The following PLA2R1 variants were observed in gnomAD, a reference collection of about 807,000 sequenced individuals.
PLA2R1 encodes the protein secretory phospholipase A2 receptor.
In PLA2R1, 158 loss-of-function variants were observed where a neutral mutation model predicts 195.9. The ratio of observed to expected loss-of-function variants is 0.81; its 90% CI spans 0.71 to 0.92. The LOEUF is 0.92. Among genes scored for constraint, PLA2R1 ranks in the 40% least tolerant of loss-of-function variants. The pLI, the probability that PLA2R1 is intolerant of heterozygous loss-of-function variation, is 0.00. For synonymous variants in PLA2R1, 586 were observed against 598.2 expected, an observed-to-expected ratio of 0.98 and a Z score of 0.30; for missense variants, 1,626 against 1,764.6, an observed-to-expected ratio of 0.92 and a Z score of 1.41.
intron 28 of PLA2R1, among the ~76,000 whole-genome samples, chr2:159,944,278 T>C (rs1560129370): frequency 6.6e-6 from 1 of 152,194 alleles, no homozygotes; most frequent in Non-Finnish European, 1.5e-5. Flanking sequence ...TCTGAAGCCT[T>C]CTCTAGCAGT....
At chr2:159,971,452 G>T (rs750545545) in intron 17 of PLA2R1, among the ~76,000 whole-genome samples, 33 of 152,206 alleles carry the variant, frequency 2.2e-4, no homozygotes, top group Middle Eastern at 6.8e-3. Context: ...CTATGTGCAT[G>T]CATGTGCACA....
chr2:160,012,760 AAATT>A (rs907063782), intron 10 of PLA2R1, among the ~76,000 whole-genome samples: 2 of 152,038 alleles, frequency 1.3e-5, no homozygotes, highest in African/African-American at 4.8e-5. Flanking sequence ...AAAAATACAA[AAATT>A]ACCAGGGCGT....
chr2:159,972,772 C>G (rs114859808), intron 17 of PLA2R1, among the ~76,000 whole-genome samples: 1 of 152,054 alleles, frequency 6.6e-6, no homozygotes, highest in Non-Finnish European at 1.5e-5. Context: ...GTGCTTGCAG[C>G]GTTTTTTCAG....
intron 1 of PLA2R1, among the ~76,000 whole-genome samples, chr2:160,050,164 CAAAT>C (rs1695128734): frequency 2.6e-5 from 4 of 152,102 alleles, no homozygotes; most frequent in Admixed American, 1.3e-4. Flanking sequence ...CAAGTGATAA[CAAAT>C]AAGAGAAAGA....
chr2:159,927,657 C>A (rs1221604848), downstream of PLA2R1, among the ~76,000 whole-genome samples: 1 of 152,132 alleles, frequency 6.6e-6, no homozygotes, highest in African/African-American at 2.4e-5. Context: ...ATAAATGCAA[C>A]TATATCTCAC....
At chr2:160,055,358 C>T (rs1323441502) in intron 1 of PLA2R1, among the ~76,000 whole-genome samples, 2 of 152,194 alleles carry the variant, frequency 1.3e-5, no homozygotes, top group Non-Finnish European at 2.9e-5. Context: ...TCCGATCACG[C>T]TTTTACTGAA....
At chr2:160,007,547 G>T (rs916494388) in intron 10 of PLA2R1, among the ~76,000 whole-genome samples, 4 of 152,222 alleles carry the variant, frequency 2.6e-5, no homozygotes, top group Admixed American at 2.0e-4. Context: ...GGCAGATGCC[G>T]GCAGGCCGTC....
chr2:160,054,175 C>T (rs1369678420), intron 1 of PLA2R1, among the ~76,000 whole-genome samples: 1 of 152,174 alleles, frequency 6.6e-6, no homozygotes, highest in Non-Finnish European at 1.5e-5. Flanking sequence ...GTAGTTCACA[C>T]CTGTAATCCC....
chr2:160,018,380 T>C (rs192615536), intron 8 of PLA2R1, among the ~76,000 whole-genome samples: 2 of 152,184 alleles, frequency 1.3e-5, no homozygotes, highest in South Asian at 2.1e-4. Flanking sequence ...CGGTTGCCCA[T>C]GCCAGTAATC....
At chr2:160,025,326 G>C (rs907364347) in intron 6 of PLA2R1, among the ~76,000 whole-genome samples, 2 of 151,836 alleles carry the variant, frequency 1.3e-5, no homozygotes, top group Admixed American at 6.6e-5. Flanking sequence ...ATTCCAGCCT[G>C]GGCAACAGTG....
chr2:159,977,451 G>A, intron 14 of PLA2R1, 35 bp from the exon 15 acceptor site: 3 of 1,601,046 alleles, frequency 1.9e-6, no homozygotes, highest in Non-Finnish European at 2.6e-6. Context: ...CCTTAATGAT[G>A]ATCCCCCCAC....
At chr2:159,976,846 A>C in intron 15 of PLA2R1, 126 bp from the exon 16 acceptor site, 1 of 734,340 alleles carries the variant, frequency 1.4e-6, no homozygotes, top group Admixed American at 2.2e-5. Context: ...AAACAGGTAC[A>C]TTGTGCTGTT....
intron 11 of PLA2R1, among the ~76,000 whole-genome samples, chr2:159,987,937 G>A (rs1225266245): frequency 1.2e-4 from 18 of 152,016 alleles, no homozygotes; most frequent in Admixed American, 1.1e-3. Flanking sequence ...AGAGAGAGGG[G>A]CTTTTATATG....
Position 159,941,597 on chromosome 2 carries a change from A to G in PLA2R1, c.*181T>C. On this transcript the variant is annotated 3_prime_UTR_variant, in exon 30 of 30. Coordinates refer to ENST00000283243, the MANE Select transcript of PLA2R1 (RefSeq NM_007366.5). ...AATGGATCACAGTTTAGGGAAATGAATAAATCAAAACCCATCTGATTTGGT... is the reference window on the plus strand; with the variant it reads ...AATGGATCACAGTTTAGGGAAATGAGTAAATCAAAACCCATCTGATTTGGT... 2.0e-6 allele frequency: 1 copy of G among 508,656 alleles called. No homozygotes were observed. 31.5% of individuals were successfully genotyped at this position (508,656 alleles called of 1,614,324 possible). A position where few individuals can be genotyped will look rare whatever the true frequency, so the allele number is the denominator to read the frequency against.
At chr2:160,006,739 A>G (rs928299327) in intron 10 of PLA2R1, among the ~76,000 whole-genome samples, 1 of 152,246 alleles carries the variant, frequency 6.6e-6, no homozygotes, top group Non-Finnish European at 1.5e-5. Flanking sequence ...TGCTGAGTCA[A>G]TGGAAAAGGA....
Position 159,932,855 on chromosome 2 carries a change from T to C in PLA2R1, c.*8923A>G, listed in dbSNP as rs1009379317. On this transcript the variant is annotated 3_prime_UTR_variant, in exon 30 of 30. Coordinates refer to ENST00000283243, the MANE Select transcript of PLA2R1 (RefSeq NM_007366.5). ...ATTAAAAATATATTTATTTGAAAAATATCCAGGAACATATACATTGGATCT... is the reference window on the plus strand; with the variant it reads ...ATTAAAAATATATTTATTTGAAAAACATCCAGGAACATATACATTGGATCT... 110 of 152,086 alleles carry C rather than the reference T, an allele frequency of 7.2e-4. No individual in the cohort carries two copies. The highest frequency in any genetic ancestry group is 2.6e-3 in the African/African-American group (106 of 41,412). 9.4% of individuals were successfully genotyped at this position (152,086 alleles called of 1,614,324 possible).
chr2:159,979,776 C>T (rs1288724143), intron 14 of PLA2R1, 54 bp downstream of exon 14: 14 of 1,053,944 alleles, frequency 1.3e-5, no homozygotes, highest in Non-Finnish European at 1.8e-5. Context: ...ACCAAGTGGT[C>T]CCAGGCCCAC....
chr2:159,963,732 T>C (rs1314738577), intron 20 of PLA2R1, among the ~76,000 whole-genome samples: 1 of 152,060 alleles, frequency 6.6e-6, no homozygotes, highest in Non-Finnish European at 1.5e-5. Flanking sequence ...ATAGCCAGAG[T>C]TGGCAAAGAT....
chr2:160,013,711 C>CTGTGTGTGTG (rs1558927364), intron 9 of PLA2R1, among the ~76,000 whole-genome samples: 1 of 91,082 alleles, frequency 1.1e-5, no homozygotes, highest in African/African-American at 4.3e-5. Context: ...CTGTCTCTCT[C>CTGTGTGTGTG]TCTCTCTCTC....
Sources: gnomAD v4.1 joint callset for allele counts (sites outside exome capture counted in the v4.1 genomes callset) on GRCh38, gnomAD v4.1.1 for gene constraint, MANE v1.5 for transcripts, NCBI Gene and HGNC (gene_info 2026-07-23, HGNC 2026-07-21) for gene names.